The following MBD5 variants were observed in gnomAD, a reference collection of about 807,000 sequenced individuals.
The protein encoded by MBD5 is methyl-CpG-binding domain protein 5.
A neutral mutation model predicts 117.3 loss-of-function variants in MBD5; 13 were observed. The ratio of observed to expected loss-of-function variants is 0.11; its 90% CI spans 0.07 to 0.18. The LOEUF is 0.18. MBD5 is among the 10% of genes least tolerant of loss of function. MBD5 has a pLI of 1.00. For synonymous variants in MBD5, 727 were observed against 766.4 expected, an observed-to-expected ratio of 0.95 and a Z score of 0.85; for missense variants, 1,879 against 2,093.8, an observed-to-expected ratio of 0.90 and a Z score of 2.00.
intron 3 of MBD5, among the ~76,000 whole-genome samples, chr2:148,251,378 A>G (rs1303612961): frequency 1.3e-5 from 2 of 152,200 alleles, no homozygotes; most frequent in Admixed American, 6.5e-5. Context: ...AAGAATTTCC[A>G]TGCATTATGG....
intron 1 of MBD5, among the ~76,000 whole-genome samples, chr2:148,156,417 C>CTT (rs1697876120): frequency 6.6e-6 from 1 of 152,200 alleles, no homozygotes; most frequent in South Asian, 2.1e-4. Flanking sequence ...TAAGAGTGCT[C>CTT]TTTCGTCCCG....
intron 4 of MBD5, among the ~76,000 whole-genome samples, chr2:148,444,242 T>C (rs1706421199): frequency 6.6e-6 from 1 of 151,412 alleles, no homozygotes; most frequent in African/African-American, 2.5e-5. Context: ...TTAAACTGCT[T>C]TATCTAAGGC....
At chr2:148,205,320 C>G (rs1299714102) in intron 2 of MBD5, among the ~76,000 whole-genome samples, 1 of 152,124 alleles carries the variant, frequency 6.6e-6, no homozygotes, top group Non-Finnish European at 1.5e-5. Context: ...AAACTCCTGA[C>G]CTCAGGTGAT....
At chr2:148,227,400 G>T (rs1363404791) in intron 2 of MBD5, among the ~76,000 whole-genome samples, 1 of 152,106 alleles carries the variant, frequency 6.6e-6, no homozygotes, top group African/African-American at 2.4e-5. Flanking sequence ...TTTTTCTCAG[G>T]TTTGTCAAAG....
chr2:148,267,565 T>C (rs1376220845), intron 3 of MBD5, among the ~76,000 whole-genome samples: 1 of 152,166 alleles, frequency 6.6e-6, no homozygotes, highest in Non-Finnish European at 1.5e-5. Flanking sequence ...CTAAAGCCCA[T>C]CTCCATTCCT....
intron 4 of MBD5, among the ~76,000 whole-genome samples, chr2:148,382,760 A>C (rs996826052): frequency 1.8e-4 from 27 of 152,360 alleles, no homozygotes; most frequent in African/African-American, 6.3e-4. Flanking sequence ...ACTGTCTCTC[A>C]AACCACAGTG....
chr2:148,340,705 T>A (rs1461065675), intron 3 of MBD5, among the ~76,000 whole-genome samples: 1 of 152,020 alleles, frequency 6.6e-6, no homozygotes. Flanking sequence ...GGCAATAATA[T>A]ATACCTCATA....
At chr2:148,421,500 G>T (rs1705605299) in intron 4 of MBD5, among the ~76,000 whole-genome samples, 1 of 151,664 alleles carries the variant, frequency 6.6e-6, no homozygotes, top group Non-Finnish European at 1.5e-5. Context: ...TTGGGTGGCT[G>T]TTTGGGCAGA....
At chr2:148,032,441 T>G (rs1222896695) in intron 1 of MBD5, among the ~76,000 whole-genome samples, 1 of 152,036 alleles carries the variant, frequency 6.6e-6, no homozygotes, top group African/African-American at 2.4e-5. Flanking sequence ...AGATCTCAAG[T>G]AAGTTAATTT....
At chr2:148,155,439 C>T (rs1240855853) in intron 1 of MBD5, among the ~76,000 whole-genome samples, 3 of 152,188 alleles carry the variant, frequency 2.0e-5, no homozygotes, top group Non-Finnish European at 2.9e-5. Context: ...TCCTGAATTC[C>T]TGTTTTCTTA....
chr2:148,080,492 C>CT (rs1021199015), intron 1 of MBD5, among the ~76,000 whole-genome samples: 2 of 151,902 alleles, frequency 1.3e-5, no homozygotes, highest in East Asian at 1.9e-4. Context: ...TATAATAATG[C>CT]TTTTTTTAAA....
intron 2 of MBD5, among the ~76,000 whole-genome samples, chr2:148,224,576 G>T (rs1475662814): frequency 1.5e-5 from 2 of 130,524 alleles, no homozygotes; most frequent in Non-Finnish European, 3.1e-5. Flanking sequence ...GCCCAGGCTG[G>T]TCTCAAATTC....
intron 2 of MBD5, among the ~76,000 whole-genome samples, chr2:148,180,194 C>T (rs1016214530): frequency 9.3e-5 from 14 of 151,084 alleles, no homozygotes; most frequent in African/African-American, 3.4e-4. Flanking sequence ...TTACTTATTT[C>T]TAATTCATTT....
intron 11 of MBD5, 48 bp downstream of exon 11, chr2:148,490,642 T>C: frequency 6.2e-7 from 1 of 1,605,564 alleles, no homozygotes; most frequent in Middle Eastern, 1.7e-4. Flanking sequence ...TGTTCAGATA[T>C]CAATTATTGC....
At chr2:148,292,713 C>A (rs1247120571) in intron 3 of MBD5, among the ~76,000 whole-genome samples, 2 of 152,104 alleles carry the variant, frequency 1.3e-5, no homozygotes, top group Admixed American at 6.5e-5. Flanking sequence ...AGTCTCACTG[C>A]TGAGTATATA....
chr2:148,183,516 T>C (rs1698577558), intron 2 of MBD5, among the ~76,000 whole-genome samples: 1 of 128,136 alleles, frequency 7.8e-6, no homozygotes, highest in African/African-American at 2.6e-5. Context: ...TTGAATCTTT[T>C]ATTACTAAAA....
At chr2:148,223,421 A>G (rs1358627009) in intron 2 of MBD5, among the ~76,000 whole-genome samples, 1 of 152,080 alleles carries the variant, frequency 6.6e-6, no homozygotes, top group Non-Finnish European at 1.5e-5. Flanking sequence ...ACTTTATTAC[A>G]GCTTCAATCT....
chr2:148,197,793 GGTTTTTTTTTTT>G (rs1280192660), intron 2 of MBD5, among the ~76,000 whole-genome samples: 7 of 74,738 alleles, frequency 9.4e-5, no homozygotes, highest in African/African-American at 4.0e-4. Context: ...TAGCATCTGA[GGTTTTTTTTTTT>G]GTTTTTTTTT....
chr2:148,248,152 T>C (rs1225466581), intron 3 of MBD5, among the ~76,000 whole-genome samples: 1 of 151,884 alleles, frequency 6.6e-6, no homozygotes, highest in African/African-American at 2.4e-5. Context: ...AGATGGAGAG[T>C]CTATACTTAA....
Sources: gnomAD v4.1 joint callset for allele counts (sites outside exome capture counted in the v4.1 genomes callset) on GRCh38, gnomAD v4.1.1 for gene constraint, MANE v1.5 for transcripts, NCBI Gene and HGNC (gene_info 2026-07-23, HGNC 2026-07-21) for gene names.